TMEM117: variants seen among roughly 807,000 people sequenced by gnomAD.
TMEM117 encodes transmembrane protein 117.
A neutral mutation model predicts 52.4 loss-of-function variants in TMEM117; 27 were observed. The observed-to-expected ratio is 0.51, with a 90% CI of 0.38 to 0.71. The LOEUF (loss-of-function observed/expected upper bound fraction) is 0.71. Ranked by LOEUF, TMEM117 falls within the 30% of genes least tolerant of loss-of-function variation. The pLI is 0.00. For missense variants in TMEM117, 556 were observed against 630.5 expected (o/e 0.88, Z 1.26); for synonymous variants, 215 against 206.3 (o/e 1.04, Z -0.36).
At chr12:44,226,136 C>T (rs966660281) in intron 5 of TMEM117, among the ~76,000 whole-genome samples, 10 of 152,188 alleles carry the variant, frequency 6.6e-5, no homozygotes, top group Non-Finnish European at 1.5e-4. Context: ...AAAACATTTT[C>T]CCCCTTTGGG....
At chr12:44,182,349 CT>C (rs1305830470) in intron 4 of TMEM117, among the ~76,000 whole-genome samples, 2 of 152,064 alleles carry the variant, frequency 1.3e-5, no homozygotes, top group Admixed American at 1.3e-4. Flanking sequence ...CCTTTATTTC[CT>C]TCTCCTGCCT....
At chr12:44,064,711 A>G (rs1360385853) in intron 3 of TMEM117, among the ~76,000 whole-genome samples, 1 of 152,180 alleles carries the variant, frequency 6.6e-6, no homozygotes, top group Non-Finnish European at 1.5e-5. Flanking sequence ...TTTGAACACT[A>G]GGAATTGTAT....
At chr12:44,184,915 C>T (rs1434485380) in intron 4 of TMEM117, among the ~76,000 whole-genome samples, 1 of 152,176 alleles carries the variant, frequency 6.6e-6, no homozygotes, top group Non-Finnish European at 1.5e-5. Flanking sequence ...ACTTCCTATG[C>T]CAAGTACTCG....
At chr12:43,955,050 TAGACAC>T (rs1810201521) in intron 3 of TMEM117, among the ~76,000 whole-genome samples, 1 of 152,122 alleles carries the variant, frequency 6.6e-6, no homozygotes, top group Non-Finnish European at 1.5e-5. Context: ...ATTATCTCAA[TAGACAC>T]AGAAAAGGCT....
At chr12:44,175,273 A>G (rs895114971) in intron 4 of TMEM117, among the ~76,000 whole-genome samples, 1 of 152,038 alleles carries the variant, frequency 6.6e-6, no homozygotes, top group African/African-American at 2.4e-5. Flanking sequence ...TTTGACAGAT[A>G]TTTTGGAGGT....
At chr12:43,823,815 T>C in the TMEM117 span, among the ~76,000 whole-genome samples, 124 of 146,172 alleles carry the variant, frequency 8.5e-4, no homozygotes, top group Non-Finnish European at 1.1e-3. Flanking sequence ...GAGTGTAATT[T>C]AAAAAAAAAA....
At chr12:44,289,929 A>G (rs542269805) in intron 5 of TMEM117, among the ~76,000 whole-genome samples, 40 of 152,122 alleles carry the variant, frequency 2.6e-4, no homozygotes, top group Non-Finnish European at 5.3e-4. Flanking sequence ...ATGTCATTGT[A>G]GTTTTAATTT....
the TMEM117 span, among the ~76,000 whole-genome samples, chr12:43,824,853 G>A: frequency 2.2e-4 from 34 of 152,322 alleles, no homozygotes; most frequent in Non-Finnish European, 1.0e-4. Context: ...GTGAACCCGG[G>A]AGGCGAAGCT....
In TMEM117 at chr12:44,354,372, G is replaced by C. The variant is rs1384312502; in HGVS notation, c.769-22223G>C. ...CTGGCAGAAACACAACAAAAAAAGAGAATTTTAGACCAATATCCTTGATGA... is the reference window on the plus strand; with the variant it reads ...CTGGCAGAAACACAACAAAAAAAGACAATTTTAGACCAATATCCTTGATGA... On this transcript the variant is annotated intron_variant, in intron 6 of 7. Coordinates refer to ENST00000266534, the MANE Select transcript of TMEM117 (RefSeq NM_032256.3). Among the ~76,000 whole-genome samples, 10 of 151,966 alleles carry C rather than the reference G, an allele frequency of 6.6e-5. No homozygotes were observed. The East Asian group carries it at 1.9e-3, about 29-fold the overall frequency.
At chr12:44,128,380 TA>T (rs1247844038) in intron 3 of TMEM117, among the ~76,000 whole-genome samples, 5 of 152,262 alleles carry the variant, frequency 3.3e-5, no homozygotes, top group African/African-American at 1.2e-4. Flanking sequence ...CACAACATTT[TA>T]CACAGAGGGC....
chr12:44,341,709 G>A (rs993664970), intron 6 of TMEM117, among the ~76,000 whole-genome samples: 5 of 152,078 alleles, frequency 3.3e-5, no homozygotes, highest in South Asian at 2.1e-4. Flanking sequence ...AGTCACATCC[G>A]ATGACAAAGG....
At chr12:44,044,727 A>G (rs1363845580) in intron 3 of TMEM117, among the ~76,000 whole-genome samples, 1 of 152,234 alleles carries the variant, frequency 6.6e-6, no homozygotes, top group Non-Finnish European at 1.5e-5. Context: ...CTGAAAGTGG[A>G]CAGCTGCAGC....
At chr12:44,338,780 G>A (rs960217518) in intron 6 of TMEM117, among the ~76,000 whole-genome samples, 3 of 151,940 alleles carry the variant, frequency 2.0e-5, no homozygotes, top group Non-Finnish European at 4.4e-5. Flanking sequence ...CTTTAAAGTT[G>A]GGAGCAAGAT....
chr12:43,901,055 A>G (rs1371287843), intron 2 of TMEM117, among the ~76,000 whole-genome samples: 1 of 152,156 alleles, frequency 6.6e-6, no homozygotes, highest in African/African-American at 2.4e-5. Context: ...TTTTCTTTTG[A>G]TATAAATGAA....
At chr12:43,929,108 C>T (rs1010534133) in intron 2 of TMEM117, among the ~76,000 whole-genome samples, 6 of 151,528 alleles carry the variant, frequency 4.0e-5, no homozygotes. Context: ...GGGTATATAC[C>T]CAGTAATGGG....
chr12:44,383,684 AC>A (rs1448618291), intron 7 of TMEM117, among the ~76,000 whole-genome samples: 1 of 152,174 alleles, frequency 6.6e-6, no homozygotes, highest in Admixed American at 6.6e-5. Context: ...TGAAATACCA[AC>A]CCTCTGGTTA....
chr12:43,796,920 T>C, the TMEM117 span: 9 of 1,543,370 alleles, frequency 5.8e-6, no homozygotes, highest in Admixed American at 5.4e-5. Flanking sequence ...ATAAACTACA[T>C]AGAAATGAAA....
rs896019582 is a variant in TMEM117 at position 44,254,058 on chromosome 12, A to G, written c.608+42671A>G. ...GAAGCAGGCTAACCAACTCAATGAC[A>G]ACAATAACCACTGTGAAGCAAAAAA... On this transcript the variant is annotated intron_variant, in intron 5 of 7. Coordinates refer to ENST00000266534, the MANE Select transcript of TMEM117 (RefSeq NM_032256.3). Among the ~76,000 whole-genome samples the G allele has an allele frequency of 2.6e-5, 4 of 151,870 alleles. No homozygotes were observed. The South Asian group carries it at 8.3e-4, about 31-fold the overall frequency.
At chr12:44,365,704 C>T (rs539120700) in intron 6 of TMEM117, among the ~76,000 whole-genome samples, 1 of 152,064 alleles carries the variant, frequency 6.6e-6, no homozygotes, top group East Asian at 1.9e-4. Flanking sequence ...TTTGCTTAGT[C>T]TGAATTGAAT....
Sources: allele counts gnomAD v4.1 joint callset (sites outside exome capture counted in the v4.1 genomes callset), GRCh38; gene constraint gnomAD v4.1.1; transcripts MANE v1.5; gene names NCBI Gene and HGNC (gene_info 2026-07-23, HGNC 2026-07-21).